Variants in GRIA3 observed in about 807,000 individuals in gnomAD.
The protein encoded by GRIA3 is glutamate receptor 3.
In GRIA3, 3 loss-of-function variants were observed where a neutral mutation model predicts 63.0. The observed-to-expected ratio is 0.05, with a 90% CI of 0.02 to 0.12. GRIA3 has a LOEUF of 0.12. GRIA3 is among the 10% of genes least tolerant of loss of function. GRIA3 has a pLI of 1.00. For synonymous variants in GRIA3, 274 were observed against 257.9 expected, an observed-to-expected ratio of 1.06 and a Z score of -0.60; for missense variants, 347 against 700.9, an observed-to-expected ratio of 0.50 and a Z score of 5.70.
chrX:123,341,094 T>G (rs147773694), intron 4 of GRIA3, among the ~76,000 whole-genome samples: 2 of 111,977 alleles, frequency 1.8e-5, no homozygotes, highest in African/African-American at 6.5e-5. Context: ...TTAATGAGTT[T>G]TAGTTAGGGT....
intron 3 of GRIA3, among the ~76,000 whole-genome samples, chrX:123,254,905 T>C (rs1469735546): frequency 9.0e-6 from 1 of 111,676 alleles, no homozygotes; most frequent in Non-Finnish European, 1.9e-5. Flanking sequence ...TTTTGAGATA[T>C]TTGACCAGCT....
intron 3 of GRIA3, among the ~76,000 whole-genome samples, chrX:123,254,392 C>A (rs764602005): frequency 2.2e-3 from 248 of 111,681 alleles, no homozygotes; most frequent in Non-Finnish European, 3.8e-3. Flanking sequence ...TTGTCTTTGA[C>A]GGGTTCCTTG....
chrX:123,354,990 A>C, intron 5 of GRIA3, 27 bp downstream of exon 5: 1 of 1,069,266 alleles, frequency 9.4e-7, no homozygotes, highest in Non-Finnish European at 1.3e-6. Context: ...GTCCCTGGGC[A>C]ATATATCCTA....
At chrX:123,435,416 G>C (rs1198643970) in intron 12 of GRIA3, among the ~76,000 whole-genome samples, 1 of 112,108 alleles carries the variant, frequency 8.9e-6, no homozygotes, top group Non-Finnish European at 1.9e-5. Context: ...CTGTTTCATA[G>C]AGGAGACAAA....
At chrX:123,412,268 T>C (rs2045511108) in intron 10 of GRIA3, among the ~76,000 whole-genome samples, 1 of 111,854 alleles carries the variant, frequency 8.9e-6, no homozygotes, top group Non-Finnish European at 1.9e-5. Flanking sequence ...CTGAGCTCTC[T>C]TGGGACTGCC....
intron 3 of GRIA3, among the ~76,000 whole-genome samples, chrX:123,295,841 G>A (rs917918791): frequency 2.7e-5 from 3 of 110,951 alleles, no homozygotes; most frequent in African/African-American, 9.8e-5. Context: ...TCAGTAGATA[G>A]TCCAATTGCC....
intron 3 of GRIA3, among the ~76,000 whole-genome samples, chrX:123,285,342 C>T (rs1232686220): frequency 9.1e-6 from 1 of 109,989 alleles, no homozygotes; most frequent in Non-Finnish European, 1.9e-5. Flanking sequence ...ACTGCACCAA[C>T]CAATGGGCAA....
chrX:123,297,647 A>G (rs2044694152), intron 3 of GRIA3, among the ~76,000 whole-genome samples: 1 of 111,857 alleles, frequency 8.9e-6, no homozygotes, highest in South Asian at 3.7e-4. Context: ...CAAAGTGCGT[A>G]GGCTCTAAAG....
At chrX:123,203,147 A>C (rs1927790934) in intron 2 of GRIA3, among the ~76,000 whole-genome samples, 2 of 111,998 alleles carry the variant, frequency 1.8e-5, no homozygotes, top group Admixed American at 1.9e-4. Flanking sequence ...TGAGTCCTGA[A>C]GATATACATG....
chrX:123,351,113 TAA>T (rs2045091359), intron 4 of GRIA3, among the ~76,000 whole-genome samples: 1 of 112,239 alleles, frequency 8.9e-6, no homozygotes, highest in Non-Finnish European at 1.9e-5. Flanking sequence ...ATAATTACTG[TAA>T]AAGCAAAGTT....
chrX:123,464,778 T>G, intron 12 of GRIA3, 87 bp from the exon 13 acceptor site: 1 of 827,218 alleles, frequency 1.2e-6, no homozygotes, highest in South Asian at 2.2e-5. Context: ...TACTGTGGAT[T>G]GCAATTAAAA....
chrX:123,221,871 T>G (rs1158917310), intron 2 of GRIA3, among the ~76,000 whole-genome samples: 1 of 111,281 alleles, frequency 9.0e-6, no homozygotes, highest in Non-Finnish European at 1.9e-5. Flanking sequence ...TCCAAGAAAA[T>G]GCACCACTTC....
At chrX:123,384,084 T>A (rs756179507) in intron 5 of GRIA3, among the ~76,000 whole-genome samples, 1 of 112,052 alleles carries the variant, frequency 8.9e-6, no homozygotes, top group African/African-American at 3.2e-5. Flanking sequence ...ATGTAGCACA[T>A]TTTTTTTATC....
Position 123,409,019 on chromosome X carries a change from A to G in GRIA3, c.1500+4105A>G, listed in dbSNP as rs768602208. ...TCTCTATCAATGACAGAAATGGAGA[A>G]AAATGAAAACACAGGCTTTCATTTC... On this transcript the variant is annotated intron_variant, in intron 10 of 15. Transcript: ENST00000620443. Among the ~76,000 whole-genome samples, 63 of 112,268 alleles carry G rather than the reference A, an allele frequency of 5.6e-4. 1 individual carries two copies. Among genetic ancestry groups the G allele is most frequent in the Non-Finnish European group, 1.1e-3 (59 of 53,277 alleles).
At chrX:123,365,877 C>G (rs998413070) in intron 5 of GRIA3, among the ~76,000 whole-genome samples, 2 of 111,804 alleles carry the variant, frequency 1.8e-5, no homozygotes, top group African/African-American at 6.5e-5. Flanking sequence ...AAAGAATAGG[C>G]AGAGCAGCCC....
intron 5 of GRIA3, among the ~76,000 whole-genome samples, chrX:123,389,229 G>C (rs2045370718): frequency 8.9e-6 from 1 of 112,043 alleles, no homozygotes; most frequent in East Asian, 2.8e-4. Context: ...TCTCTGTTAT[G>C]TACATTTGGT....
intron 12 of GRIA3, among the ~76,000 whole-genome samples, chrX:123,450,125 A>C (rs1487735171): frequency 8.9e-6 from 1 of 111,918 alleles, no homozygotes; most frequent in African/African-American, 3.2e-5. Flanking sequence ...GTCTATCTCC[A>C]TTTCAGAGAT....
At chrX:123,463,773 A>G (rs1444843241) in intron 12 of GRIA3, among the ~76,000 whole-genome samples, 6 of 105,110 alleles carry the variant, frequency 5.7e-5, no homozygotes, top group Non-Finnish European at 5.7e-5. Flanking sequence ...AAGAAGAGAA[A>G]GAAAGAAAAA....
At chrX:123,275,851 C>T (rs1188180614) in intron 3 of GRIA3, among the ~76,000 whole-genome samples, 1 of 112,109 alleles carries the variant, frequency 8.9e-6, no homozygotes, top group African/African-American at 3.2e-5. Flanking sequence ...CCTTTAAGCT[C>T]CAAATGTGCC....
Sources: allele counts gnomAD v4.1 joint callset (sites outside exome capture counted in the v4.1 genomes callset), GRCh38; gene constraint gnomAD v4.1.1; transcripts MANE v1.5; gene names NCBI Gene and HGNC (gene_info 2026-07-23, HGNC 2026-07-21).